The following DLGAP1 variants were observed in gnomAD, a reference collection of about 807,000 sequenced individuals.
The protein encoded by DLGAP1 is DLG associated protein 1, also known as disks large-associated protein 1.
In DLGAP1, 11 loss-of-function variants were observed where a neutral mutation model predicts 90.8. The ratio of observed to expected loss-of-function variants is 0.12; its 90% CI spans 0.08 to 0.20. The LOEUF (loss-of-function observed/expected upper bound fraction) is 0.20, where lower values mean the gene tolerates loss of function less well. Ranked by LOEUF, DLGAP1 falls within the 10% of genes least tolerant of loss-of-function variation. The pLI, the probability that DLGAP1 is intolerant of heterozygous loss-of-function variation, is 1.00. For missense variants in DLGAP1, 1,050 were observed against 1,333.8 expected, an observed-to-expected ratio of 0.79 and a Z score of 3.31; for synonymous variants, 558 against 540.7, an observed-to-expected ratio of 1.03 and a Z score of -0.44.
chr18:3,518,668 G>A (rs1489353061), intron 10 of DLGAP1, among the ~76,000 whole-genome samples: 1 of 152,178 alleles, frequency 6.6e-6, no homozygotes, highest in Non-Finnish European at 1.5e-5. Flanking sequence ...TGGGAAAGTT[G>A]ATCAGACTCA....
chr18:3,559,444 TTTC>T (rs2053943904), intron 9 of DLGAP1, among the ~76,000 whole-genome samples: 1 of 152,176 alleles, frequency 6.6e-6, no homozygotes, highest in Non-Finnish European at 1.5e-5. Flanking sequence ...ACCTTTGTTC[TTTC>T]TTCTTATTTT....
At chr18:3,740,965 CCACCATCACAT>C (rs2062889006) in intron 6 of DLGAP1, among the ~76,000 whole-genome samples, 1 of 143,072 alleles carries the variant, frequency 7.0e-6, no homozygotes, top group African/African-American at 2.6e-5. Context: ...ACCACCACCA[CCACCATCACAT>C]CACCACCACC....
In DLGAP1 at chr18:4,084,519, G is replaced by A. The variant is rs1158333800; in HGVS notation, c.-159+66661C>T. On this transcript the variant is annotated intron_variant, in intron 2 of 12. Coordinates refer to ENST00000315677, the MANE Select transcript of DLGAP1 (RefSeq NM_004746.4). This position sits in a 1 kb window ranked among gnomAD's most constrained non-coding sequence, Gnocchi z 4.0. ...TTTCTCTTTCTCTCCTATGACCCTC[G>A]TGTGAAAGGTGTCCACCCTATACCC... 1.3e-5 allele frequency among the ~76,000 whole-genome samples: 2 copies of A among 151,962 alleles called. No individual in the cohort carries two copies. The highest frequency in any genetic ancestry group is 6.6e-5 in the Admixed American group (1 of 15,252).
Position 4,222,740 on chromosome 18 carries a change from GA to G in DLGAP1, c.-266-71454del, listed in dbSNP as rs36052054. The stretch of plus-strand genomic sequence containing the variant: ...AATTCCAAAAGATATGTTTTAGACA[GA>G]AAAAAAAAAATGATACAAGATGGAA... On this transcript the variant is annotated intron_variant, in intron 1 of 12. Transcript: ENST00000315677. Among the ~76,000 whole-genome samples the G allele has an allele frequency of 4.1e-3, 597 of 145,562 alleles. 2 individuals carry two copies. Among genetic ancestry groups the G allele is most frequent in the East Asian group, 0.018 (90 of 5,020 alleles).
intron 1 of DLGAP1, among the ~76,000 whole-genome samples, chr18:4,187,386 G>C (rs960919316): frequency 6.6e-6 from 1 of 152,016 alleles, no homozygotes; most frequent in African/African-American, 2.4e-5. Context: ...AACGTTCCAA[G>C]ATATTGATCC....
intron 1 of DLGAP1, among the ~76,000 whole-genome samples, chr18:4,353,455 C>T (rs2081441042): frequency 6.6e-6 from 1 of 152,166 alleles, no homozygotes. Flanking sequence ...TTCCCATTCC[C>T]AGGAGATTGC....
At chr18:3,687,492 A>G (rs546013895) in intron 7 of DLGAP1, among the ~76,000 whole-genome samples, 75 of 152,312 alleles carry the variant, frequency 4.9e-4, no homozygotes, top group African/African-American at 1.7e-3. Context: ...TATAAACATG[A>G]TGATGATCTT....
At chr18:4,265,103 TTTCC>T (rs150589333) in intron 1 of DLGAP1, among the ~76,000 whole-genome samples, 13,827 of 139,548 alleles carry the variant, frequency 0.099, 759 homozygotes, top group East Asian at 0.17. Flanking sequence ...TAATGTAATT[TTTCC>T]TTCCTTCCTT....
chr18:4,111,653 T>C (rs937054939), intron 2 of DLGAP1, among the ~76,000 whole-genome samples: 2 of 152,178 alleles, frequency 1.3e-5, no homozygotes, highest in Admixed American at 6.5e-5. Context: ...ATTTAGATTT[T>C]CTCTTTGTCT....
intron 1 of DLGAP1, among the ~76,000 whole-genome samples, chr18:4,180,076 G>C (rs566881879): frequency 1.1e-3 from 161 of 152,200 alleles, no homozygotes; most frequent in African/African-American, 3.5e-3. Flanking sequence ...GATCTCCCTC[G>C]TGATCTCCCT....
chr18:4,073,715 C>G (rs1206909630), intron 2 of DLGAP1, among the ~76,000 whole-genome samples: 1 of 151,968 alleles, frequency 6.6e-6, no homozygotes, highest in Non-Finnish European at 1.5e-5. Flanking sequence ...AAATTAGCTG[C>G]TCAATAAGAA....
rs150145484 is a variant in DLGAP1 at position 3,645,994 on chromosome 18, C to T, written c.1592-63746G>A. Among the ~76,000 whole-genome samples the T allele has an allele frequency of 1.7e-3, 259 of 152,286 alleles. 2 individuals are homozygous for T. Among genetic ancestry groups the T allele is most frequent in the African/African-American group, 5.9e-3 (247 of 41,558 alleles). ...TACATCATCGTGCCTTACAAATACT[C>T]TATATGAGACTGGTATGCCCTAAAT... On this transcript the variant is annotated intron_variant, in intron 7 of 12. Transcript: ENST00000315677.
chr18:4,286,837 G>A (rs2079707121), intron 1 of DLGAP1, among the ~76,000 whole-genome samples: 1 of 152,108 alleles, frequency 6.6e-6, no homozygotes, highest in Admixed American at 6.6e-5. Flanking sequence ...AAATAGACAA[G>A]AATATGAAGT....
At chr18:4,413,257 G>C (rs2082820740) in intron 1 of DLGAP1, among the ~76,000 whole-genome samples, 1 of 152,182 alleles carries the variant, frequency 6.6e-6, no homozygotes, top group Admixed American at 6.5e-5. Context: ...CTGCAGCTAG[G>C]GATTCATTCC....
At chr18:3,631,872 C>T (rs1233790150) in intron 7 of DLGAP1, among the ~76,000 whole-genome samples, 1 of 152,268 alleles carries the variant, frequency 6.6e-6, no homozygotes, top group South Asian at 2.1e-4. Context: ...CAACCTCGAC[C>T]TCCCAGGCTC....
intron 10 of DLGAP1, among the ~76,000 whole-genome samples, chr18:3,520,265 C>T (rs2051098266): frequency 6.6e-6 from 1 of 152,032 alleles, no homozygotes; most frequent in African/African-American, 2.4e-5. Context: ...CTGTGTGAGC[C>T]ACTCCCTCTC....
rs57422237 is a variant in DLGAP1 at position 3,629,529 on chromosome 18, G to A, written c.1592-47281C>T. On this transcript the variant is annotated intron_variant, in intron 7 of 12. Coordinates refer to ENST00000315677, the MANE Select transcript of DLGAP1 (RefSeq NM_004746.4). ...TACTAAAAATACAAAAAAATTAGCCGGGCGTGTTGGTGGGCGCCTGTAGTC... is the reference window on the plus strand; with the variant it reads ...TACTAAAAATACAAAAAAATTAGCCAGGCGTGTTGGTGGGCGCCTGTAGTC... Among the ~76,000 whole-genome samples, 1,155 of 151,936 alleles carry A rather than the reference G, an allele frequency of 7.6e-3. 15 individuals are homozygous for A. Among genetic ancestry groups the A allele is most frequent in the African/African-American group, 0.026 (1,078 of 41,442 alleles).
In DLGAP1 at chr18:3,987,053, T is replaced by A. The variant is rs112051811; in HGVS notation, c.-73+18063A>T. Among the ~76,000 whole-genome samples, 317 of 152,238 alleles carry A rather than the reference T, an allele frequency of 2.1e-3. 4 individuals carry two copies. Among genetic ancestry groups the A allele is most frequent in the African/African-American group, 7.4e-3 (307 of 41,540 alleles). On this transcript the variant is annotated intron_variant, in intron 3 of 12. Coordinates refer to ENST00000315677, the MANE Select transcript of DLGAP1 (RefSeq NM_004746.4). The stretch of plus-strand genomic sequence containing the variant: ...CCTGCAAATAGCGCTCGTTTCCAGG[T>A]ATGTTAGGTATTAATTATTTTCTGG...
At chr18:3,705,172 G>A (rs1186276963) in intron 7 of DLGAP1, among the ~76,000 whole-genome samples, 1 of 152,136 alleles carries the variant, frequency 6.6e-6, no homozygotes, top group East Asian at 1.9e-4. Context: ...AAATTTTTGA[G>A]TCAAACGAAT....
Sources: gnomAD v4.1 joint callset for allele counts (sites outside exome capture counted in the v4.1 genomes callset) on GRCh38, gnomAD v4.1.1 for gene constraint, Gnocchi (gnomAD v3.1) non-coding constraint, MANE v1.5 for transcripts, NCBI Gene and HGNC (gene_info 2026-07-23, HGNC 2026-07-21) for gene names.